The following SYNE1 variants were observed in gnomAD, a reference collection of about 807,000 sequenced individuals.
SYNE1 encodes nesprin-1.
Under a neutral mutation model 1,111.0 loss-of-function variants are expected in SYNE1, and 616 were observed. The ratio of observed to expected loss-of-function variants is 0.55; its 90% CI spans 0.52 to 0.59. The LOEUF (loss-of-function observed/expected upper bound fraction) is 0.59, where lower values mean the gene tolerates loss of function less well. SYNE1 is among the 20% of genes least tolerant of loss of function. SYNE1 has a pLI of 0.00. For missense variants in SYNE1, 10,006 were observed against 10,417.0 expected (o/e 0.96, Z 1.72); for synonymous variants, 3,855 against 3,825.8 (o/e 1.01, Z -0.28).
intron 92 of SYNE1, 22 bp from the exon 93 acceptor site, chr6:152,300,803 A>G: frequency 6.2e-7 from 1 of 1,614,208 alleles, no homozygotes; most frequent in Non-Finnish European, 8.5e-7. Flanking sequence ...AATGTAGCCC[A>G]AAGGACATGA....
chr6:152,254,608 T>A (rs892184870), intron 104 of SYNE1, among the ~76,000 whole-genome samples: 5 of 152,198 alleles, frequency 3.3e-5, no homozygotes, highest in African/African-American at 1.2e-4. Flanking sequence ...CTAAAAATTA[T>A]AATTATAATG....
chr6:152,425,184 A>G (rs1212157304), intron 39 of SYNE1, among the ~76,000 whole-genome samples, 197 bp downstream of exon 39: 1 of 152,192 alleles, frequency 6.6e-6, no homozygotes, highest in Non-Finnish European at 1.5e-5. Flanking sequence ...TTAAGACTAA[A>G]TTTTGTATTG....
intron 110 of SYNE1, 124 bp from the exon 111 acceptor site, chr6:152,234,924 T>C (rs952732392): frequency 1.8e-6 from 2 of 1,134,398 alleles, no homozygotes; most frequent in Non-Finnish European, 2.6e-6. Context: ...GAAAAATGCA[T>C]GAGGTTGGCA....
At chr6:152,631,680 C>A (rs1266029228) in intron 2 of SYNE1, among the ~76,000 whole-genome samples, 1 of 152,050 alleles carries the variant, frequency 6.6e-6, no homozygotes, top group Admixed American at 6.6e-5. Flanking sequence ...TATAACACAG[C>A]TTTAGGGAAC....
chr6:152,290,027 G>A lies in SYNE1; in HGVS notation c.18012+3561C>T, dbSNP rs890671409. 2.7e-5 allele frequency among the ~76,000 whole-genome samples: 4 copies of A among 149,772 alleles called. No individual in the cohort carries two copies. In the East Asian group the frequency reaches 7.9e-4, roughly 30 times the overall value. ...CAACCCTGCTTAACTTCCAAGATCA[G>A]ATGAGAGACCACAGTTCTTCTCACA... is the stretch of plus-strand genomic sequence containing the variant. On this transcript the variant is annotated intron_variant, in intron 95 of 145. Transcript: ENST00000367255.
chr6:152,334,073 A>G lies in SYNE1; in HGVS notation c.12729T>C (p.His4243=). 1 of 1,614,184 alleles carries G rather than the reference A, an allele frequency of 6.2e-7. No homozygotes were observed. Among genetic ancestry groups the G allele is most frequent in the Non-Finnish European group, 8.5e-7 (1 of 1,180,032 alleles). ...EEDLQRTRDY[H]DCMNVVEVFL... ...ACACTTCAACAACATTCATACAGTC[A>G]TGGTAATCTCTTGTTCTCTGAAGAT... Residue 4243 remains histidine (H), a synonymous_variant, in exon 77 of 146, where the codon CAT becomes CAC. Coordinates refer to ENST00000367255, the MANE Select transcript of SYNE1 (RefSeq NM_182961.4).
intron 3 of SYNE1, among the ~76,000 whole-genome samples, chr6:152,566,085 A>C (rs1329039661): frequency 6.6e-6 from 1 of 152,172 alleles, no homozygotes; most frequent in Non-Finnish European, 1.5e-5. Context: ...TTTCTTCCAC[A>C]GCACTACAGC....
At chr6:152,138,516 TAAATAAATA>T (rs1222081926) in intron 140 of SYNE1, among the ~76,000 whole-genome samples, 2 of 44,816 alleles carry the variant, frequency 4.5e-5, no homozygotes, top group African/African-American at 2.1e-4. Flanking sequence ...GTCTCAAAAA[TAAATAAATA>T]AATAAATAAA....
rs534368105 is a variant in SYNE1, at chr6:152,411,646, G to C, written c.6230+1706C>G. On this transcript the variant is annotated intron_variant, in intron 42 of 145. Transcript: ENST00000367255. Reference sequence around the variant, plus strand: ...GGGATATACAAATTAAAAACAAAATGTGCCAATTCTGAGCACAGTGCCTAT... The same window carrying C: ...GGGATATACAAATTAAAAACAAAATCTGCCAATTCTGAGCACAGTGCCTAT... Among the ~76,000 whole-genome samples the C allele has an allele frequency of 4.6e-5, 7 of 151,982 alleles. No homozygotes were observed. The South Asian group carries it at 1.2e-3, about 27-fold the overall frequency.
chr6:152,443,468 G>A (rs1458884187), intron 30 of SYNE1, among the ~76,000 whole-genome samples: 2 of 152,094 alleles, frequency 1.3e-5, no homozygotes, highest in African/African-American at 4.8e-5. Flanking sequence ...GTTTCACCAC[G>A]TTAGCCAGGA....
chr6:152,409,469 A>G (rs2097973313), intron 43 of SYNE1, 90 bp downstream of exon 43: 2 of 1,519,770 alleles, frequency 1.3e-6, no homozygotes, highest in Admixed American at 3.6e-5. Flanking sequence ...ATCTAAGTAT[A>G]CTGATAAGAA....
intron 73 of SYNE1, among the ~76,000 whole-genome samples, chr6:152,346,653 A>T (rs1385178189): frequency 3.3e-5 from 5 of 152,080 alleles, no homozygotes; most frequent in Admixed American, 1.3e-4. Context: ...TACTAAAAAT[A>T]CAAAAAATTA....
chr6:152,272,809 G>C (rs1020088943), intron 98 of SYNE1, among the ~76,000 whole-genome samples: 3 of 152,190 alleles, frequency 2.0e-5, no homozygotes, highest in Non-Finnish European at 4.4e-5. Flanking sequence ...CCCAATTAAA[G>C]AGCATTAACA....
chr6:152,382,261 C>A (rs1031342191), intron 55 of SYNE1, among the ~76,000 whole-genome samples: 14 of 152,028 alleles, frequency 9.2e-5, no homozygotes, highest in African/African-American at 3.1e-4. Flanking sequence ...TATGACTTTA[C>A]TACCGGATTA....
chr6:152,284,965 T>C lies in SYNE1; in HGVS notation c.18013-793A>G, dbSNP rs544854200. Reference sequence around the variant, plus strand: ...TTCTCATTTACCAAACTCTAAAAAATAAGGGTCTCTCCCGGGTGATGTCTT... The same window carrying C: ...TTCTCATTTACCAAACTCTAAAAAACAAGGGTCTCTCCCGGGTGATGTCTT... On this transcript the variant is annotated intron_variant, in intron 95 of 145. Transcript: ENST00000367255. Among the ~76,000 whole-genome samples the C allele has an allele frequency of 1.4e-3, 206 of 152,196 alleles. 1 individual carries two copies. The highest frequency in any genetic ancestry group is 4.9e-3 in the African/African-American group (203 of 41,530).
chr6:152,357,399 A>T (rs548399634), intron 66 of SYNE1, among the ~76,000 whole-genome samples: 1 of 152,316 alleles, frequency 6.6e-6, no homozygotes, highest in South Asian at 2.1e-4. Flanking sequence ...TTCAAGCTGT[A>T]GGTAAAACTT....
intron 40 of SYNE1, among the ~76,000 whole-genome samples, chr6:152,418,728 T>C (rs979713706): frequency 6.6e-6 from 1 of 152,132 alleles, no homozygotes; most frequent in Non-Finnish European, 1.5e-5. Flanking sequence ...CCAGAAGAAA[T>C]ATAATCATCA....
chr6:152,559,369 G>A (rs976634387), intron 3 of SYNE1, among the ~76,000 whole-genome samples: 1 of 152,160 alleles, frequency 6.6e-6, no homozygotes, highest in Admixed American at 6.5e-5. Context: ...CTAAAATGCT[G>A]TGATTACAGG....
At chr6:152,140,291 C>A in intron 139 of SYNE1, 130 bp from the exon 140 acceptor site, 1 of 863,580 alleles carries the variant, frequency 1.2e-6, no homozygotes, top group Non-Finnish European at 1.9e-6. Context: ...TGGGCATTTT[C>A]GTTGTTGTCA....
Sources: gnomAD v4.1 joint callset for allele counts (sites outside exome capture counted in the v4.1 genomes callset) on GRCh38, gnomAD v4.1.1 for gene constraint, MANE v1.5 for transcripts, NCBI Gene and HGNC (gene_info 2026-07-23, HGNC 2026-07-21) for gene names.